PILRA: variants seen among roughly 807,000 people sequenced by gnomAD.
PILRA encodes the protein paired immunoglobulin-like type 2 receptor alpha.
A neutral mutation model predicts 33.1 loss-of-function variants in PILRA; 37 were observed. The ratio of observed to expected loss-of-function variants is 1.12; its 90% confidence interval spans 0.86 to 1.47. The LOEUF (loss-of-function observed/expected upper bound fraction) is 1.47. Ranked by LOEUF, PILRA falls within the 40% of genes most tolerant of loss-of-function variation. PILRA has a pLI of 0.00. For missense variants in PILRA, 312 were observed against 376.2 expected (o/e 0.83, Z 1.41); for synonymous variants, 146 against 149.9 (o/e 0.97, Z 0.19).
At chr7:100,372,861 C>T (rs866603407), upstream of PILRA, among the ~76,000 whole-genome samples, 1 of 151,706 alleles carries the variant, frequency 6.6e-6, no homozygotes, top group Non-Finnish European at 1.5e-5. Context: ...GCCCTGTCCC[C>T]TCCTGTGTAG....
At chr7:100,397,857 C>G in intron 3 of PILRA, 22 bp from the exon 4 acceptor site, 1 of 1,613,090 alleles carries the variant, frequency 6.2e-7, no homozygotes, top group South Asian at 1.1e-5. Context: ...GCCACCCTGA[C>G]TCACTGTTGG....
At chr7:100,393,300 A>G (rs1178551678) in intron 3 of PILRA, among the ~76,000 whole-genome samples, 1 of 152,114 alleles carries the variant, frequency 6.6e-6, no homozygotes, top group Non-Finnish European at 1.5e-5. Flanking sequence ...AAAAAAATTA[A>G]AATCAACCAC....
At position 100,396,948 on chromosome 7, in the gene PILRA, G is replaced by A. The variant is rs191890049; in HGVS notation, c.674-931G>A. 1.3e-4 allele frequency among the ~76,000 whole-genome samples: 19 copies of A among 151,624 alleles called. No homozygotes were observed. In the East Asian group the frequency reaches 3.7e-3, roughly 29 times the overall value. ...TACTTAACACTAATGAACTGTACAC[G>A]TGGTTAAAAGTGAATTCTAGTGTTT... On this transcript the variant is annotated intron_variant, in intron 3 of 6. Coordinates refer to ENST00000198536, the MANE Select transcript of PILRA (RefSeq NM_013439.3).
At chr7:100,397,805 G>T in intron 3 of PILRA, 74 bp from the exon 4 acceptor site, 1 of 1,484,766 alleles carries the variant, frequency 6.7e-7, no homozygotes. Flanking sequence ...TCAGCCTAGG[G>T]CGCAGCAGAG....
rs1030498420 is a variant in PILRA at position 100,373,553 on chromosome 7, G to A, written c.-104G>A. 4.6e-5 allele frequency: 61 copies of A among 1,332,476 alleles called. No homozygotes were observed. The highest frequency in any genetic ancestry group is 5.7e-5 in the Non-Finnish European group (53 of 933,974). The allele number at this position is 1,332,476 out of a possible 1,614,324, so 82.5% of individuals were successfully genotyped here. On this transcript the variant is annotated 5_prime_UTR_variant, in exon 1 of 7. Transcript: ENST00000198536. ...ACAGCCCTCTTCGGAGCCTGAGCCC[G>A]GCTCTCCTCACTCACCTCAACCCCC... is the stretch of plus-strand genomic sequence containing the variant.
In PILRA at chr7:100,380,632, T is replaced by C. The variant is rs564072958; in HGVS notation, c.454+6199T>C. On this transcript the variant is annotated intron_variant, in intron 2 of 6. Transcript: ENST00000198536. The stretch of plus-strand genomic sequence containing the variant: ...GCAACATAGCAAGAATCTGGCAACA[T>C]AGCAAGACTCTGTCTCTATAAAAAA... 1.3e-4 allele frequency among the ~76,000 whole-genome samples: 20 copies of C among 152,150 alleles called. No homozygotes were observed. The South Asian group carries it at 4.2e-3, about 32-fold the overall frequency.
intron 2 of PILRA, 125 bp downstream of exon 2, chr7:100,374,558 C>A: frequency 9.0e-7 from 1 of 1,105,582 alleles, no homozygotes; most frequent in Non-Finnish European, 1.3e-6. Flanking sequence ...TCTCTTTGGC[C>A]CCTAACACTT....
chr7:100,397,702 G>A (rs1228151272), intron 3 of PILRA, among the ~76,000 whole-genome samples, 177 bp from the exon 4 acceptor site: 2 of 152,166 alleles, frequency 1.3e-5, no homozygotes, highest in African/African-American at 4.8e-5. Flanking sequence ...AGGGAGGACA[G>A]GTGGAGACCT....
chr7:100,397,321 G>C, intron 3 of PILRA, among the ~76,000 whole-genome samples: 1 of 152,036 alleles, frequency 6.6e-6, no homozygotes, highest in Non-Finnish European at 1.5e-5. Flanking sequence ...GGGGATGGGA[G>C]GGGCAGGACA....
chr7:100,393,357 TCTC>T (rs1161656093), intron 3 of PILRA, among the ~76,000 whole-genome samples: 1 of 151,896 alleles, frequency 6.6e-6, no homozygotes, highest in African/African-American at 2.4e-5. Flanking sequence ...ACAGCACTTT[TCTC>T]CTGAGAATGA....
intron 3 of PILRA, among the ~76,000 whole-genome samples, chr7:100,396,611 C>A (rs568460850): frequency 2.5e-4 from 38 of 152,136 alleles, no homozygotes; most frequent in Non-Finnish European, 4.6e-4. Flanking sequence ...TAGATCACAC[C>A]ACTGCACTCC....
At chr7:100,391,587 T>A (rs1200320092) in intron 3 of PILRA, among the ~76,000 whole-genome samples, 2 of 152,152 alleles carry the variant, frequency 1.3e-5, no homozygotes. Flanking sequence ...CTCCAGAGGC[T>A]GAAGTGAGAA....
chr7:100,399,419 G>C (rs141769131), intron 5 of PILRA, 79 bp downstream of exon 5: 1 of 1,403,430 alleles, frequency 7.1e-7, no homozygotes, highest in Non-Finnish European at 1.0e-6. Flanking sequence ...ACCTGGGTCC[G>C]TGCCCCTGTC....
At chr7:100,387,131 T>C (rs1791271308) in intron 2 of PILRA, among the ~76,000 whole-genome samples, 1 of 152,362 alleles carries the variant, frequency 6.6e-6, no homozygotes, top group East Asian at 1.9e-4. Flanking sequence ...AACTTGGCGA[T>C]GACCTTGAGC....
chr7:100,379,539 G>A (rs1166347359), intron 2 of PILRA, among the ~76,000 whole-genome samples: 2 of 151,734 alleles, frequency 1.3e-5, no homozygotes, highest in South Asian at 2.1e-4. Context: ...GTGGTAGCAC[G>A]CGCCTGTAGT....
At chr7:100,381,759 C>A (rs1791100920) in intron 2 of PILRA, among the ~76,000 whole-genome samples, 1 of 152,148 alleles carries the variant, frequency 6.6e-6, no homozygotes, top group Non-Finnish European at 1.5e-5. Context: ...CGGGGCTGCG[C>A]GCGGCGCTTG....
In PILRA at chr7:100,399,869, C is replaced by G. The variant is rs1206907917; in HGVS notation, c.874C>G (p.Pro292Ala). The G allele has an allele frequency of 4.3e-6, 7 of 1,613,392 alleles. No individual in the cohort carries two copies. The highest frequency in any genetic ancestry group is 5.9e-6 in the Non-Finnish European group (7 of 1,179,660). ...TCCCAGCCACCGTCCCCTCAAGAGC[C>G]CCCAGAACGAGACCCTGTACTCTGT... is the stretch of plus-strand genomic sequence containing the variant. ...APPSHRPLKSPQNETLYSVLK... is the reference protein window; with the variant it reads ...APPSHRPLKSAQNETLYSVLK... Residue 292 changes from proline (P) to alanine (A), a missense_variant, in exon 7 of 7, where the codon CCC (proline) becomes GCC (alanine). Physicochemically the swap from Pro to Ala is conservative, Grantham distance 27 (BLOSUM62 -1). Transcript: ENST00000198536.
chr7:100,373,811 C>A, intron 1 of PILRA, 91 bp downstream of exon 1: 1 of 1,526,572 alleles, frequency 6.6e-7, no homozygotes. Flanking sequence ...GGGGAGGGCC[C>A]AGGCTCCCAC....
At chr7:100,383,491 A>G (rs1791168236) in intron 2 of PILRA, among the ~76,000 whole-genome samples, 1 of 152,188 alleles carries the variant, frequency 6.6e-6, no homozygotes, top group Admixed American at 6.5e-5. Context: ...GTGGCTGAAG[A>G]CAGGGAAGAG....
Sources: allele counts gnomAD v4.1 joint callset (sites outside exome capture counted in the v4.1 genomes callset), GRCh38; gene constraint gnomAD v4.1.1; transcripts MANE v1.5; gene names NCBI Gene and HGNC (gene_info 2026-07-23, HGNC 2026-07-21).